Variants in CNTN1 observed in about 807,000 individuals in gnomAD.
CNTN1 encodes contactin 1.
CNTN1 carries 38 observed loss-of-function variants against 126.4 expected under a neutral mutation model. The observed-to-expected ratio is 0.30, with a 90% CI of 0.23 to 0.39. The LOEUF (loss-of-function observed/expected upper bound fraction) is 0.39, where lower values mean the gene tolerates loss of function less well. CNTN1 is among the 10% of genes least tolerant of loss of function. The probability of loss-of-function intolerance (pLI) is 1.00; values close to 1 mark genes in which losing one functional copy is unlikely to be tolerated. For synonymous variants in CNTN1, 413 were observed against 422.6 expected (o/e 0.98, Z 0.28); for missense variants, 1,009 against 1,248.4 (o/e 0.81, Z 2.89).
chr12:40,763,786 TTA>T (rs1208760636), intron 1 of CNTN1, among the ~76,000 whole-genome samples: 1 of 152,234 alleles, frequency 6.6e-6, no homozygotes, highest in Non-Finnish European at 1.5e-5. Context: ...ATATGTTGAA[TTA>T]TCCTCACAAT....
At position 40,980,970 on chromosome 12, in the gene CNTN1, T is replaced by TA; in HGVS notation, c.1867dup (p.Thr623AsnfsTer10). 1.2e-6 allele frequency: 2 copies of TA among 1,613,936 alleles called. No individual in the cohort carries two copies. Among genetic ancestry groups the TA allele is most frequent in the Non-Finnish European group, 1.7e-6 (2 of 1,179,860 alleles). ...ACATTAGAGCCACTTCTGTGGCACT[T>TA]ACTTGGAGCCGTGGTTCAGACAATC... is the stretch of plus-strand genomic sequence containing the variant. On this transcript the variant is annotated frameshift_variant, in exon 16 of 24. Transcript: ENST00000551295. LOFTEE classifies it high-confidence loss of function.
intron 1 of CNTN1, among the ~76,000 whole-genome samples, chr12:40,752,763 G>T (rs1372201405): frequency 6.6e-6 from 1 of 151,970 alleles, no homozygotes; most frequent in Non-Finnish European, 1.5e-5. Flanking sequence ...TTAAACTCTA[G>T]AACACTTTCT....
rs1426568515 is a variant in CNTN1, at chr12:40,909,973, C to T, written c.62-100C>T. On this transcript the variant is annotated intron_variant, in intron 2 of 23. Coordinates refer to ENST00000551295, the MANE Select transcript of CNTN1 (RefSeq NM_001843.4). ...ACCTTTATAGTAAAGGGCCACTACT[C>T]TCATTCCATTGTCTAGCATCTCAGC... The T allele has an allele frequency of 1.0e-5, 9 of 873,850 alleles. No homozygotes were observed. The Admixed American group carries it at 1.2e-4, about 12-fold the overall frequency. 54.1% of individuals were successfully genotyped at this position (873,850 alleles called of 1,614,324 possible). A position where few individuals can be genotyped will look rare whatever the true frequency, so the allele number is the denominator to read the frequency against.
At chr12:40,729,383 T>G (rs1942437792) in intron 1 of CNTN1, 1 of 153,196 alleles carries the variant, frequency 6.5e-6, no homozygotes, top group African/African-American at 2.4e-5. Flanking sequence ...CAGACAGTCC[T>G]TGGAAGAAGG....
chr12:40,785,384 G>A (rs750647120), intron 1 of CNTN1, among the ~76,000 whole-genome samples: 1 of 152,112 alleles, frequency 6.6e-6, no homozygotes, highest in Non-Finnish European at 1.5e-5. Flanking sequence ...AAGGAAGGGG[G>A]TGAGAGAGAA....
At chr12:40,934,014 A>T in intron 9 of CNTN1, 136 bp downstream of exon 9, 3 of 720,716 alleles carry the variant, frequency 4.2e-6, no homozygotes, top group Non-Finnish European at 7.0e-6. Context: ...AGAAAGATAA[A>T]ATATTTCTCA....
chr12:40,738,316 T>TCA, intron 1 of CNTN1, among the ~76,000 whole-genome samples: 1 of 152,136 alleles, frequency 6.6e-6, no homozygotes, highest in Non-Finnish European at 1.5e-5. Context: ...AAATTGCTGT[T>TCA]TTATTTTGGG....
At chr12:40,840,153 A>G (rs1474596917) in intron 1 of CNTN1, among the ~76,000 whole-genome samples, 1 of 152,110 alleles carries the variant, frequency 6.6e-6, no homozygotes, top group African/African-American at 2.4e-5. Flanking sequence ...ATGGAAAAAG[A>G]TATTCCACAT....
chr12:40,988,617 A>C (rs1411944472), intron 16 of CNTN1, among the ~76,000 whole-genome samples: 1 of 152,124 alleles, frequency 6.6e-6, no homozygotes, highest in Non-Finnish European at 1.5e-5. Flanking sequence ...GAATGGTGGA[A>C]ACTTCTTTTT....
intron 1 of CNTN1, among the ~76,000 whole-genome samples, chr12:40,705,536 T>G (rs1941715521): frequency 1.3e-5 from 2 of 152,276 alleles, no homozygotes; most frequent in Admixed American, 1.3e-4. Context: ...AACATCTCTT[T>G]TTTTTTTATT....
chr12:40,954,083 T>C (rs149188650), intron 14 of CNTN1, among the ~76,000 whole-genome samples: 302 of 152,244 alleles, frequency 2.0e-3, no homozygotes, highest in African/African-American at 7.1e-3. Context: ...AGTGGGAGTT[T>C]AGTAACAGGG....
At chr12:40,780,461 A>G (rs1440691500) in intron 1 of CNTN1, among the ~76,000 whole-genome samples, 1 of 151,962 alleles carries the variant, frequency 6.6e-6, no homozygotes. Context: ...GGTTTCAGCT[A>G]CAATATGGCA....
intron 1 of CNTN1, among the ~76,000 whole-genome samples, chr12:40,806,899 ATCATTATTT>A (rs1437482899): frequency 6.6e-6 from 1 of 152,094 alleles, no homozygotes; most frequent in African/African-American, 2.4e-5. Context: ...AAACAATAAA[ATCATTATTT>A]TCTAGTTTAT....
At chr12:40,906,301 A>C (rs1472715982) in intron 1 of CNTN1, among the ~76,000 whole-genome samples, 1 of 152,148 alleles carries the variant, frequency 6.6e-6, no homozygotes, top group African/African-American at 2.4e-5. Context: ...TTCATTCTTC[A>C]CCTCTATTAA....
chr12:40,953,126 G>A (rs1269623256), intron 14 of CNTN1, among the ~76,000 whole-genome samples: 1 of 152,146 alleles, frequency 6.6e-6, no homozygotes, highest in East Asian at 1.9e-4. Flanking sequence ...TACGGGGGAA[G>A]GTGAAGGAAG....
chr12:41,065,111 A>C (rs1483526040), intron 23 of CNTN1, among the ~76,000 whole-genome samples: 1 of 152,068 alleles, frequency 6.6e-6, no homozygotes. Flanking sequence ...GCTGGAGTGC[A>C]GTGGCGCCAT....
chr12:40,956,816 C>A (rs1946901789), intron 14 of CNTN1, among the ~76,000 whole-genome samples: 1 of 151,914 alleles, frequency 6.6e-6, no homozygotes, highest in South Asian at 2.1e-4. Context: ...GGCCCAGCTG[C>A]ATTTTTAAAA....
intron 1 of CNTN1, among the ~76,000 whole-genome samples, chr12:40,701,545 C>A (rs1313819416): frequency 6.6e-6 from 1 of 151,996 alleles, no homozygotes; most frequent in East Asian, 1.9e-4. Context: ...AAGCTGTTTA[C>A]TGTAATAGAA....
At chr12:40,755,190 C>CAAAAAAAAAAAAAAAAAAAAA (rs557970110) in intron 1 of CNTN1, among the ~76,000 whole-genome samples, 7 of 78,202 alleles carry the variant, frequency 9.0e-5, no homozygotes, top group African/African-American at 1.7e-4. Context: ...GACCCCACCT[C>CAAAAAAAAAAAAAAAAAAAAA]AAAAAAAAAA....
Sources: gnomAD v4.1 joint callset for allele counts (sites outside exome capture counted in the v4.1 genomes callset) on GRCh38, gnomAD v4.1.1 for gene constraint, MANE v1.5 for transcripts, NCBI Gene and HGNC (gene_info 2026-07-23, HGNC 2026-07-21) for gene names.